Variants in SBF2 observed in about 807,000 individuals in gnomAD.
The protein encoded by SBF2 is SET binding factor 2, also known as myotubularin-related protein 13.
Under a neutral mutation model 225.2 loss-of-function variants are expected in SBF2, and 112 were observed. The observed-to-expected ratio is 0.50, with a 90% CI of 0.43 to 0.58. The LOEUF (loss-of-function observed/expected upper bound fraction) is 0.58, where lower values mean the gene tolerates loss of function less well. Ranked by LOEUF, SBF2 falls within the 20% of genes least tolerant of loss-of-function variation. The pLI is 0.00. For missense variants in SBF2, 1,996 were observed against 2,206.2 expected (o/e 0.90, Z 1.91); for synonymous variants, 763 against 773.3 (o/e 0.99, Z 0.22).
At chr11:9,808,334 A>G (rs964659339) in intron 31 of SBF2, 149 bp from the exon 32 acceptor site, 1 of 692,480 alleles carries the variant, frequency 1.4e-6, no homozygotes, top group African/African-American at 1.8e-5. Flanking sequence ...ATGGCCAATA[A>G]AATTAATTTT....
chr11:9,794,110 T>C (rs923307209), intron 33 of SBF2, among the ~76,000 whole-genome samples: 1 of 151,960 alleles, frequency 6.6e-6, no homozygotes, highest in African/African-American at 2.4e-5. Flanking sequence ...TGAGTCCCAG[T>C]GGCAGAGGTT....
intron 16 of SBF2, among the ~76,000 whole-genome samples, chr11:9,916,475 T>C (rs1328053389): frequency 6.6e-6 from 1 of 152,198 alleles, no homozygotes; most frequent in African/African-American, 2.4e-5. Context: ...CTTCAATACA[T>C]TTTTTTCACA....
intron 2 of SBF2, among the ~76,000 whole-genome samples, chr11:10,171,207 G>A (rs1304671633): frequency 6.6e-6 from 1 of 152,072 alleles, no homozygotes; most frequent in African/African-American, 2.4e-5. Flanking sequence ...GGGCATCCTT[G>A]TCACCTTCTA....
intron 12 of SBF2, among the ~76,000 whole-genome samples, chr11:9,991,866 A>G (rs1642429181): frequency 6.6e-6 from 1 of 152,172 alleles, no homozygotes; most frequent in Non-Finnish European, 1.5e-5. Flanking sequence ...CTATGGCTCT[A>G]TGATTTTGAT....
intron 6 of SBF2, among the ~76,000 whole-genome samples, chr11:10,004,003 C>T (rs1311720785): frequency 6.6e-6 from 1 of 152,016 alleles, no homozygotes; most frequent in East Asian, 1.9e-4. Flanking sequence ...TGCAAATTTC[C>T]TTAGTCTATT....
At chr11:10,081,589 T>C (rs370275165) in intron 2 of SBF2, among the ~76,000 whole-genome samples, 45 of 151,986 alleles carry the variant, frequency 3.0e-4, no homozygotes, top group African/African-American at 1.0e-3. Context: ...TGAAACCCCA[T>C]CTCTACTAAA....
chr11:9,980,014 C>A (rs1946875178), intron 13 of SBF2, among the ~76,000 whole-genome samples: 1 of 151,438 alleles, frequency 6.6e-6, no homozygotes, highest in Admixed American at 6.6e-5. Context: ...CAGAGTCTTG[C>A]TCTGTCATCT....
At chr11:10,025,831 C>T (rs577974008) in intron 6 of SBF2, among the ~76,000 whole-genome samples, 1 of 152,170 alleles carries the variant, frequency 6.6e-6, no homozygotes, top group East Asian at 1.9e-4. Context: ...GAACACCTGC[C>T]CTAAAGTGAT....
At chr11:10,200,602 C>T (rs889705310) in intron 1 of SBF2, among the ~76,000 whole-genome samples, 3 of 152,036 alleles carry the variant, frequency 2.0e-5, no homozygotes, top group Non-Finnish European at 4.4e-5. Context: ...AGTTTTATCC[C>T]TGTTAAATTT....
At chr11:9,949,356 T>C (rs1865732014) in intron 16 of SBF2, among the ~76,000 whole-genome samples, 1 of 152,184 alleles carries the variant, frequency 6.6e-6, no homozygotes, top group South Asian at 2.1e-4. Context: ...ACATTGTTAA[T>C]AGTGTAATAG....
chr11:10,011,641 T>C (rs1485913359), intron 6 of SBF2, among the ~76,000 whole-genome samples: 1 of 152,256 alleles, frequency 6.6e-6, no homozygotes, highest in Non-Finnish European at 1.5e-5. Context: ...AATTCTTGTT[T>C]GGTATTTTTT....
In SBF2 at chr11:9,904,772, C is replaced by T. The variant is rs149805984; in HGVS notation, c.1861-8761G>A. On this transcript the variant is annotated intron_variant, in intron 16 of 39. Transcript: ENST00000256190. ...GGGTATGGTGGCTCACACCTATAAT[C>T]ACAGAACTTTGGGAGGCCGAGGTGA... Among the ~76,000 whole-genome samples the T allele has an allele frequency of 3.3e-4, 51 of 152,304 alleles. 1 individual carries two copies. In the East Asian group the frequency reaches 9.6e-3, roughly 29 times the overall value.
chr11:10,121,060 C>T (rs553980384), intron 2 of SBF2, among the ~76,000 whole-genome samples: 6 of 152,324 alleles, frequency 3.9e-5, no homozygotes, highest in African/African-American at 1.2e-4. Flanking sequence ...GCCATCACGC[C>T]CCGCCTGTTT....
chr11:9,939,611 C>T (rs372009005), intron 16 of SBF2, among the ~76,000 whole-genome samples: 5 of 151,998 alleles, frequency 3.3e-5, no homozygotes, highest in East Asian at 1.9e-4. Context: ...CTTTTTTGCC[C>T]ATATAACAAA....
Position 9,784,436 on chromosome 11 carries a change from G to A in SBF2, c.5234C>T (p.Ser1745Phe). 5 of 1,611,262 alleles carry A rather than the reference G, an allele frequency of 3.1e-6. No homozygotes were observed. Among genetic ancestry groups the A allele is most frequent in the Non-Finnish European group, 4.2e-6 (5 of 1,177,406 alleles). ...QYTSKNDENR[S>F]FEGTLYKRGA... ...TCTTTTATAAAGTGTTCCCTCAAAG[G>A]ACCTAGAAGAAATGATGACAGGAGA... Residue 1745 changes from serine (S) to phenylalanine (F), a missense_variant and splice_region_variant, in exon 38 of 40, where the codon TCC becomes TTC. Coordinates refer to ENST00000256190, the MANE Select transcript of SBF2 (RefSeq NM_030962.4).
At chr11:9,799,647 T>C (rs1853364028) in intron 32 of SBF2, among the ~76,000 whole-genome samples, 1 of 152,168 alleles carries the variant, frequency 6.6e-6, no homozygotes. Context: ...TTAAGAAACA[T>C]AAGGAATTTT....
intron 13 of SBF2, among the ~76,000 whole-genome samples, chr11:9,982,477 C>CA (rs199643023): frequency 0.012 from 1,759 of 152,028 alleles, 11 homozygotes; most frequent in Non-Finnish European, 0.017. Context: ...CAATCCAGAG[C>CA]AAAAAAACTA....
intron 2 of SBF2, among the ~76,000 whole-genome samples, chr11:10,169,661 G>A (rs574474414): frequency 8.5e-5 from 13 of 152,234 alleles, no homozygotes; most frequent in East Asian, 7.7e-4. Flanking sequence ...TTATCTCTTC[G>A]ATAAACTGAT....
At chr11:10,191,441 T>C (rs1957165985) in intron 2 of SBF2, among the ~76,000 whole-genome samples, 1 of 152,194 alleles carries the variant, frequency 6.6e-6, no homozygotes, top group African/African-American at 2.4e-5. Flanking sequence ...AAATGGACTT[T>C]GATAGATGTA....
Sources: allele counts gnomAD v4.1 joint callset (sites outside exome capture counted in the v4.1 genomes callset), GRCh38; gene constraint gnomAD v4.1.1; transcripts MANE v1.5; gene names NCBI Gene and HGNC (gene_info 2026-07-23, HGNC 2026-07-21).